SESN1: variants seen among roughly 807,000 people sequenced by gnomAD.
SESN1 encodes sestrin 1.
In SESN1, 30 loss-of-function variants were observed where a neutral mutation model predicts 59.3. The observed-to-expected ratio is 0.51, with a 90% CI of 0.38 to 0.69. The LOEUF (loss-of-function observed/expected upper bound fraction) is 0.69, where lower values mean the gene tolerates loss of function less well. Ranked by LOEUF, SESN1 falls within the 30% of genes least tolerant of loss-of-function variation. The probability of loss-of-function intolerance (pLI) is 0.00; values close to 1 mark genes in which losing one functional copy is unlikely to be tolerated. For missense variants in SESN1, 566 were observed against 673.0 expected, an observed-to-expected ratio of 0.84 and a Z score of 1.76; for synonymous variants, 197 against 219.9, an observed-to-expected ratio of 0.90 and a Z score of 0.92.
intron 1 of SESN1, chr6:109,009,598 C>T: frequency 9.5e-7 from 1 of 1,048,480 alleles, no homozygotes; most frequent in South Asian, 4.6e-5. Context: ...CGCGGCCCCG[C>T]CCCGCGCCCG....
Position 108,990,758 on chromosome 6 carries a change from T to A in SESN1, c.1311A>T (p.Lys437Asn), listed in dbSNP as rs1779357524. ...AAGTAAGATTGTAAGCAATGTGAAA[T>A]TTTTCATCAATCAACTGTCCCACAT... ...YPDVGQLIDE[K>N]FHIAYNLTYN... The change falls in exon 8 of 10, where the codon AAA (lysine) becomes AAT (asparagine). Residue 437 changes from lysine (K) to asparagine (N), a missense_variant. By Grantham distance (94) the Lys-to-Asn change is moderately conservative. Coordinates refer to ENST00000436639, the MANE Select transcript of SESN1 (RefSeq NM_014454.3). The A allele has an allele frequency of 6.2e-7, 1 of 1,614,148 alleles. No homozygotes were observed. The highest frequency in any genetic ancestry group is 1.3e-5 in the African/African-American group (1 of 75,054).
chr6:108,995,838 AT>A (rs111802830), intron 5 of SESN1, among the ~76,000 whole-genome samples: 13,765 of 152,220 alleles, frequency 0.09, 842 homozygotes, highest in Middle Eastern at 0.19. Context: ...TACAAAATTA[AT>A]GTTTCCCCCC....
chr6:109,010,522 TAAATGA>T (rs1164275142), intron 1 of SESN1, among the ~76,000 whole-genome samples: 2 of 152,218 alleles, frequency 1.3e-5, no homozygotes, highest in Non-Finnish European at 2.9e-5. Flanking sequence ...ACAGGACTCA[TAAATGA>T]AAATAAGTTT....
rs1004612055 is a variant in SESN1, at chr6:109,009,371, G to A, written c.280-7028C>T. The A allele has an allele frequency of 3.4e-6, 5 of 1,468,264 alleles. No homozygotes were observed. In the East Asian group the frequency reaches 9.0e-5, roughly 26 times the overall value. The allele number at this position is 1,468,264 out of a possible 1,614,324, so 91.0% of individuals were successfully genotyped here. On this transcript the variant is annotated intron_variant, in intron 1 of 9. Transcript: ENST00000436639. ...CTCGCCCAGGTACCTCGTCCTGGTC[G>A]CGGCCCCCGCCGCACTGCTTGCAGC...
chr6:109,066,791 C>T (rs1780835165), intron 1 of SESN1, among the ~76,000 whole-genome samples: 1 of 152,102 alleles, frequency 6.6e-6, no homozygotes, highest in Non-Finnish European at 1.5e-5. Context: ...TAGTGAAAGA[C>T]AGTGCTAAGC....
chr6:109,069,015 C>T (rs536597889), intron 1 of SESN1, among the ~76,000 whole-genome samples: 4 of 152,088 alleles, frequency 2.6e-5, no homozygotes, highest in Non-Finnish European at 5.9e-5. Flanking sequence ...AGCCACCGCG[C>T]CCAGCCGAAA....
At chr6:109,041,758 C>T (rs1583283417) in intron 1 of SESN1, among the ~76,000 whole-genome samples, 1 of 152,062 alleles carries the variant, frequency 6.6e-6, no homozygotes, top group East Asian at 1.9e-4. Flanking sequence ...TAGCAGGAGA[C>T]TTCAACATTC....
intron 1 of SESN1, among the ~76,000 whole-genome samples, chr6:109,040,745 T>C (rs933034326): frequency 6.6e-6 from 1 of 151,712 alleles, no homozygotes; most frequent in African/African-American, 2.4e-5. Flanking sequence ...CTCTGCCTCC[T>C]GGGTTCAAGC....
chr6:109,087,005 A>C (rs1022981164), intron 1 of SESN1, among the ~76,000 whole-genome samples: 10 of 152,102 alleles, frequency 6.6e-5, no homozygotes, highest in Non-Finnish European at 1.2e-4. Context: ...GGTGGCGCCC[A>C]CCTGTAATCC....
intron 6 of SESN1, 140 bp downstream of exon 6, chr6:108,994,322 T>C: frequency 1.7e-6 from 1 of 577,036 alleles, no homozygotes; most frequent in Non-Finnish European, 2.7e-6. Flanking sequence ...TAAAAATTAT[T>C]TGTAAATAGG....
At chr6:109,088,178 G>A (rs1231296697) in intron 1 of SESN1, 4 of 151,948 alleles carry the variant, frequency 2.6e-5, no homozygotes, top group Admixed American at 1.3e-4. Flanking sequence ...CTTAGCTGCA[G>A]ATAGTCATGT....
At chr6:109,015,712 T>C (rs1779917911) in intron 1 of SESN1, among the ~76,000 whole-genome samples, 1 of 152,196 alleles carries the variant, frequency 6.6e-6, no homozygotes, top group Non-Finnish European at 1.5e-5. Context: ...TTAAGCCATA[T>C]GTTGCTAGGC....
rs3029194 is a variant in SESN1, at chr6:108,987,806, C to CTTTTTTTT, written c.1570-184_1570-177dup. Reference sequence around the variant, plus strand: ...ATAAATTTCTCAAAACAGCAGCTATCTTTTTTTTTTTTTTTTGATGCACAC... The same window carrying CTTTTTTTT: ...ATAAATTTCTCAAAACAGCAGCTATCTTTTTTTTTTTTTTTTTTTTTTTTGATGCACAC... On this transcript the variant is annotated intron_variant, in intron 9 of 9. Coordinates refer to ENST00000436639, the MANE Select transcript of SESN1 (RefSeq NM_014454.3). 5.4e-4 allele frequency among the ~76,000 whole-genome samples: 73 copies of CTTTTTTTT among 135,572 alleles called. 1 individual carries two copies. Among genetic ancestry groups the CTTTTTTTT allele is most frequent in the Middle Eastern group, 4.1e-3 (1 of 244 alleles). 88.9% of individuals were successfully genotyped at this position (135,572 alleles called of 152,430 possible).
chr6:109,015,147 T>G (rs951373360), intron 1 of SESN1, among the ~76,000 whole-genome samples: 3 of 152,128 alleles, frequency 2.0e-5, no homozygotes, highest in African/African-American at 7.2e-5. Flanking sequence ...TTTTGAGGCT[T>G]AGGGGCCACA....
intron 9 of SESN1, 81 bp from the exon 10 acceptor site, chr6:108,987,711 A>G: frequency 1.3e-6 from 1 of 750,204 alleles, no homozygotes; most frequent in Non-Finnish European, 2.3e-6. Flanking sequence ...ATGAACACAT[A>G]AAATAAGTAC....
In SESN1 at chr6:109,091,235, T is replaced by C. The variant is rs1353999584; in HGVS notation, c.279+2560A>G. ...ATTGCATTACAATTGCCAAAGCGTA[T>C]TCAGTACAGTGACACGCTGTACGGG... is the stretch of plus-strand genomic sequence containing the variant. On this transcript the variant is annotated intron_variant, in intron 1 of 9. Coordinates refer to ENST00000436639, the MANE Select transcript of SESN1 (RefSeq NM_014454.3). 2.6e-5 allele frequency among the ~76,000 whole-genome samples: 4 copies of C among 152,210 alleles called. No individual in the cohort carries two copies. The East Asian group carries it at 7.7e-4, about 29-fold the overall frequency.
At chr6:109,024,127 A>G (rs1780050744) in intron 1 of SESN1, among the ~76,000 whole-genome samples, 1 of 152,232 alleles carries the variant, frequency 6.6e-6, no homozygotes, top group African/African-American at 2.4e-5. Flanking sequence ...ATTAAAAAAA[A>G]GATGTAAAAT....
intron 1 of SESN1, among the ~76,000 whole-genome samples, chr6:109,078,860 C>A (rs139416514): frequency 2.0e-5 from 3 of 151,800 alleles, no homozygotes; most frequent in African/African-American, 7.3e-5. Context: ...AAATAACAAC[C>A]CTGTAATTCT....
At chr6:109,017,379 G>C (rs1019557343) in intron 1 of SESN1, among the ~76,000 whole-genome samples, 32 of 152,154 alleles carry the variant, frequency 2.1e-4, no homozygotes, top group African/African-American at 7.5e-4. Context: ...TCCACTGCCC[G>C]GGTTCACACC....
Sources: gnomAD v4.1 joint callset for allele counts (sites outside exome capture counted in the v4.1 genomes callset) on GRCh38, gnomAD v4.1.1 for gene constraint, MANE v1.5 for transcripts, NCBI Gene and HGNC (gene_info 2026-07-23, HGNC 2026-07-21) for gene names.